Variants in CNTNAP2 observed in about 807,000 individuals in gnomAD.
CNTNAP2 encodes contactin associated protein 2.
CNTNAP2 carries 98 observed loss-of-function variants against 155.2 expected under a neutral mutation model. The observed-to-expected ratio is 0.63, with a 90% CI of 0.54 to 0.75. The LOEUF (loss-of-function observed/expected upper bound fraction) is 0.75, where lower values mean the gene tolerates loss of function less well. CNTNAP2 is among the 30% of genes least tolerant of loss of function. The pLI, the probability that CNTNAP2 is intolerant of heterozygous loss-of-function variation, is 0.00. For missense variants in CNTNAP2, 1,727 were observed against 1,688.1 expected, an observed-to-expected ratio of 1.02 and a Z score of -0.40; for synonymous variants, 651 against 631.2, an observed-to-expected ratio of 1.03 and a Z score of -0.47.
intron 1 of CNTNAP2, among the ~76,000 whole-genome samples, chr7:146,422,399 G>T (rs549537356): frequency 6.7e-6 from 1 of 149,740 alleles, no homozygotes; most frequent in Non-Finnish European, 1.5e-5. Flanking sequence ...ATAATTCTGT[G>T]TGTGGTCTTT....
At chr7:146,889,250 T>C (rs1402839771) in intron 3 of CNTNAP2, among the ~76,000 whole-genome samples, 1 of 152,174 alleles carries the variant, frequency 6.6e-6, no homozygotes, top group Non-Finnish European at 1.5e-5. Context: ...ATAGCTTTCT[T>C]ATATATATTT....
At chr7:147,322,887 C>T (rs547379170) in intron 9 of CNTNAP2, among the ~76,000 whole-genome samples, 179 of 129,204 alleles carry the variant, frequency 1.4e-3, no homozygotes, top group South Asian at 2.7e-3. Flanking sequence ...TATTCTCTGA[C>T]GGTAGTTTGT....
At chr7:148,384,560 T>G (rs1460930986) in intron 22 of CNTNAP2, among the ~76,000 whole-genome samples, 1 of 152,206 alleles carries the variant, frequency 6.6e-6, no homozygotes, top group Non-Finnish European at 1.5e-5. Context: ...CCACCTAAAT[T>G]GGCCTTGGGC....
chr7:146,517,325 G>A (rs1797555895), intron 1 of CNTNAP2, among the ~76,000 whole-genome samples: 1 of 151,946 alleles, frequency 6.6e-6, no homozygotes, highest in Admixed American at 6.6e-5. Context: ...CCACTATTAG[G>A]TAATAAAAAC....
In CNTNAP2 at chr7:147,157,310, C is replaced by G. The variant is rs562097830; in HGVS notation, c.1348+24801C>G. Among the ~76,000 whole-genome samples, 3 of 152,220 alleles carry G rather than the reference C, an allele frequency of 2.0e-5. No homozygotes were observed. The South Asian group carries it at 6.2e-4, about 32-fold the overall frequency. On this transcript the variant is annotated intron_variant, in intron 8 of 23. Coordinates refer to ENST00000361727, the MANE Select transcript of CNTNAP2 (RefSeq NM_014141.6). ...AATATTTCTGAAAGAAGTTCCACAT[C>G]TTCTTCCCTGAGATCCAATTTTGAT...
intron 15 of CNTNAP2, among the ~76,000 whole-genome samples, chr7:148,031,844 T>C (rs913406898): frequency 1.3e-5 from 2 of 152,172 alleles, no homozygotes; most frequent in Non-Finnish European, 2.9e-5. Flanking sequence ...AGGAGGAGAC[T>C]CAGTCAGAGA....
chr7:146,317,802 A>G (rs1800933732), intron 1 of CNTNAP2, among the ~76,000 whole-genome samples: 1 of 152,346 alleles, frequency 6.6e-6, no homozygotes, highest in Non-Finnish European at 1.5e-5. Context: ...AGTTAACTCA[A>G]TCAAAGCAAT....
At chr7:146,263,668 C>T (rs1436692295) in intron 1 of CNTNAP2, among the ~76,000 whole-genome samples, 1 of 152,070 alleles carries the variant, frequency 6.6e-6, no homozygotes, top group African/African-American at 2.4e-5. Context: ...TTCTCACTTA[C>T]AAGTAGAGAA....
chr7:146,580,167 G>T (rs989655877), intron 1 of CNTNAP2, among the ~76,000 whole-genome samples: 2 of 152,046 alleles, frequency 1.3e-5, no homozygotes, highest in African/African-American at 4.8e-5. Context: ...GAATAATTCT[G>T]CAGTGGTAGA....
chr7:147,776,216 C>A (rs1413113875), intron 13 of CNTNAP2, among the ~76,000 whole-genome samples: 1 of 149,546 alleles, frequency 6.7e-6, no homozygotes, highest in East Asian at 1.9e-4. Flanking sequence ...ATACAAAGAA[C>A]TGGATTATTT....
chr7:147,804,895 T>G (rs1798065812), intron 13 of CNTNAP2, among the ~76,000 whole-genome samples: 1 of 152,040 alleles, frequency 6.6e-6, no homozygotes, highest in South Asian at 2.1e-4. Context: ...CACCAAGCTA[T>G]GTCCACAGTT....
chr7:147,004,983 A>G (rs1476478454), intron 3 of CNTNAP2, among the ~76,000 whole-genome samples: 2 of 152,106 alleles, frequency 1.3e-5, no homozygotes, highest in Non-Finnish European at 2.9e-5. Flanking sequence ...GTATTTAAAT[A>G]ATACAGTGAC....
chr7:148,373,490 AAAT>A (rs1229419428), intron 21 of CNTNAP2, among the ~76,000 whole-genome samples: 2 of 152,218 alleles, frequency 1.3e-5, no homozygotes, highest in East Asian at 3.8e-4. Flanking sequence ...GTATACTCTA[AAAT>A]AATGATAAAA....
At chr7:146,302,714 A>C (rs1175175898) in intron 1 of CNTNAP2, among the ~76,000 whole-genome samples, 1 of 152,126 alleles carries the variant, frequency 6.6e-6, no homozygotes, top group Non-Finnish European at 1.5e-5. Flanking sequence ...TGTGGGTCAA[A>C]CCATACAATT....
chr7:147,247,982 A>G (rs1004244001), intron 8 of CNTNAP2, among the ~76,000 whole-genome samples: 1 of 152,240 alleles, frequency 6.6e-6, no homozygotes, highest in African/African-American at 2.4e-5. Flanking sequence ...GAGGCCAGAA[A>G]GAAAAGAAAA....
chr7:147,273,173 G>A (rs1415345567), intron 8 of CNTNAP2, among the ~76,000 whole-genome samples: 1 of 152,132 alleles, frequency 6.6e-6, no homozygotes, highest in Non-Finnish European at 1.5e-5. Flanking sequence ...AAACGGGCGG[G>A]ATTGAATTCA....
chr7:147,073,053 C>T (rs1295169966), intron 4 of CNTNAP2, among the ~76,000 whole-genome samples: 10 of 150,686 alleles, frequency 6.6e-5, no homozygotes, highest in East Asian at 2.0e-4. Flanking sequence ...GGGGTTTCAC[C>T]GTGTTAGCCA....
chr7:146,867,265 T>A (rs1258855948), intron 3 of CNTNAP2, among the ~76,000 whole-genome samples: 1 of 152,054 alleles, frequency 6.6e-6, no homozygotes, highest in East Asian at 1.9e-4. Context: ...AGTAGGAACA[T>A]GTGGTATTTG....
intron 3 of CNTNAP2, among the ~76,000 whole-genome samples, chr7:147,034,676 T>A (rs1190807428): frequency 6.6e-6 from 1 of 151,956 alleles, no homozygotes; most frequent in African/African-American, 2.4e-5. Flanking sequence ...TGGAGGCGGG[T>A]CTCAGCGAGG....
Sources: gnomAD v4.1 joint callset for allele counts (sites outside exome capture counted in the v4.1 genomes callset) on GRCh38, gnomAD v4.1.1 for gene constraint, MANE v1.5 for transcripts, NCBI Gene and HGNC (gene_info 2026-07-23, HGNC 2026-07-21) for gene names.